Variants in LHX3 observed in about 807,000 individuals in gnomAD.
The protein encoded by LHX3 is LIM/homeobox protein Lhx3.
LHX3 carries 21 observed loss-of-function variants against 32.4 expected under a neutral mutation model. That is an observed-to-expected ratio of 0.65 (90% confidence interval 0.46 to 0.93). The LOEUF (loss-of-function observed/expected upper bound fraction) is 0.93. LHX3 is among the 40% of genes least tolerant of loss of function. The probability of loss-of-function intolerance (pLI) is 0.00; values close to 1 mark genes in which losing one functional copy is unlikely to be tolerated. For missense variants in LHX3, 626 were observed against 560.0 expected, an observed-to-expected ratio of 1.12 and a Z score of -1.19; for synonymous variants, 258 against 246.8, an observed-to-expected ratio of 1.05 and a Z score of -0.43.
chr9:136,202,308 C>G (rs1831660423), intron 1 of LHX3, among the ~76,000 whole-genome samples: 1 of 152,100 alleles, frequency 6.6e-6, no homozygotes, highest in Admixed American at 6.5e-5. Flanking sequence ...GGCCTCCTTC[C>G]CCATCCTGCG....
At chr9:136,199,279 C>CGCGGGG (rs1831577844) in intron 3 of LHX3, among the ~76,000 whole-genome samples, 1 of 152,048 alleles carries the variant, frequency 6.6e-6, no homozygotes, top group African/African-American at 2.4e-5. Context: ...CGGGTTCTGC[C>CGCGGGG]GCGGGGGCGG....
Position 136,200,616 on chromosome 9 carries a change from C to G in LHX3, c.217G>C (p.Gly73Arg). The G allele has an allele frequency of 6.2e-7, 1 of 1,613,610 alleles. No individual in the cohort carries two copies. The highest frequency in any genetic ancestry group is 8.5e-7 in the Non-Finnish European group (1 of 1,180,040). ...TCGTCCTTGCAGTAAACGCTCTCCC[C>G]TCGGCTGAAGCAGCGCTCGGCCAGT... ...TPLAERCFSR[G>R]ESVYCKDDFF... is the part of the protein sequence containing the mutation. The change falls in exon 2 of 6, where the codon GGG becomes CGG. Residue 73 changes from glycine to arginine, a missense_variant. By Grantham distance (125) the Gly-to-Arg change is moderately radical. Transcript: ENST00000371748.
intron 1 of LHX3, chr9:136,202,953 C>T (rs1831680714): frequency 6.5e-7 from 1 of 1,532,216 alleles, no homozygotes; most frequent in Non-Finnish European, 8.7e-7. Flanking sequence ...CACCTCGGCG[C>T]AGGTCCGCCC....
intron 1 of LHX3, among the ~76,000 whole-genome samples, chr9:136,203,409 T>A (rs1477126419): frequency 6.6e-6 from 1 of 152,102 alleles, no homozygotes; most frequent in Non-Finnish European, 1.5e-5. Flanking sequence ...CCCCGCAGCT[T>A]CCTGCGCCGG....
At chr9:136,199,617 G>A (rs1054806783) in intron 3 of LHX3, 61 bp downstream of exon 3, 24 of 1,564,562 alleles carry the variant, frequency 1.5e-5, no homozygotes, top group Admixed American at 6.7e-5. Context: ...CCCCCTGGGC[G>A]TGGCCTCAGC....
At position 136,199,704 on chromosome 9, in the gene LHX3, G is replaced by A; in HGVS notation, c.428C>T (p.Ala143Val). ...TCGCTGCTTGGCGGTTTCGTAGTCCGCCTTGCACACGAGCCGGCTGTCCTC... is the reference window on the plus strand; with the variant it reads ...TCGCTGCTTGGCGGTTTCGTAGTCCACCTTGCACACGAGCCGGCTGTCCTC... ...LMEDSRLVCK[A>V]DYETAKQREA... The change falls in exon 3 of 6, where the codon GCG becomes GTG. Residue 143 changes from alanine (A) to valine (V), a missense_variant. Physicochemically the swap from Ala to Val is moderately conservative, Grantham distance 64. Coordinates refer to ENST00000371748, the MANE Select transcript of LHX3 (RefSeq NM_178138.6). 3 of 1,612,930 alleles carry A rather than the reference G, an allele frequency of 1.9e-6. No individual in the cohort carries two copies. Among genetic ancestry groups the A allele is most frequent in the Admixed American group, 1.7e-5 (1 of 60,030 alleles).
At chr9:136,202,161 G>A (rs1831655620) in intron 1 of LHX3, among the ~76,000 whole-genome samples, 1 of 151,708 alleles carries the variant, frequency 6.6e-6, no homozygotes, top group African/African-American at 2.4e-5. Context: ...CCCTCTCTCC[G>A]CCCCCCAGCC....
chr9:136,197,343 T>C lies in LHX3; in HGVS notation c.1176A>G (p.Val392=), dbSNP rs2131029647. 1 of 1,612,050 alleles carries C rather than the reference T, an allele frequency of 6.2e-7. No individual in the cohort carries two copies. The highest frequency in any genetic ancestry group is 8.5e-7 in the Non-Finnish European group (1 of 1,179,892). Residue 392 remains valine (V), a synonymous_variant, in exon 6 of 6, where the codon GTA becomes GTG. Transcript: ENST00000371748. ...PASPASWLDE[V]DHAQF is the part of the protein sequence containing the mutation. ...GCCTGGGTCAGAACTGAGCGTGGTCTACCTCATCCAGCCAGGAGGCGGGGC... is the reference window on the plus strand; with the variant it reads ...GCCTGGGTCAGAACTGAGCGTGGTCCACCTCATCCAGCCAGGAGGCGGGGC...
At chr9:136,203,510 C>T (rs1831695896) in intron 1 of LHX3, among the ~76,000 whole-genome samples, 1 of 152,200 alleles carries the variant, frequency 6.6e-6, no homozygotes, top group African/African-American at 2.4e-5. Context: ...AGGGTCCTCC[C>T]GCCGCTGAGG....
At chr9:136,203,066 C>T (rs1307113889) in intron 1 of LHX3, 4 of 1,512,726 alleles carry the variant, frequency 2.6e-6, no homozygotes, top group Non-Finnish European at 3.5e-6. Context: ...CGTCGCCACT[C>T]TCCAGTCCCG....
In LHX3 at chr9:136,202,760, C is replaced by T. The variant is rs74859586; in HGVS notation, c.80-2007G>A. Among the ~76,000 whole-genome samples, 1,476 of 152,298 alleles carry T rather than the reference C, an allele frequency of 9.7e-3. 10 individuals carry two copies. The highest frequency in any genetic ancestry group is 0.015 in the Non-Finnish European group (1,016 of 68,004). Reference sequence around the variant, plus strand: ...CGCAGTGCCACAACCTCACTCACTCCCTGACAACCCAGGCCAGGGGCCCTG... The same window carrying T: ...CGCAGTGCCACAACCTCACTCACTCTCTGACAACCCAGGCCAGGGGCCCTG... On this transcript the variant is annotated intron_variant, in intron 1 of 5. Coordinates refer to ENST00000371748, the MANE Select transcript of LHX3 (RefSeq NM_178138.6).
intron 1 of LHX3, chr9:136,203,078 A>C: frequency 6.7e-7 from 1 of 1,499,270 alleles, no homozygotes; most frequent in South Asian, 1.2e-5. Flanking sequence ...CCAGTCCCGA[A>C]CTTTCCCGGG....
At chr9:136,204,638 C>T (rs1455864697) in intron 1 of LHX3, among the ~76,000 whole-genome samples, 1 of 152,196 alleles carries the variant, frequency 6.6e-6, no homozygotes. Flanking sequence ...GCACTGGTCA[C>T]CGGGGGAACC....
intron 1 of LHX3, chr9:136,202,834 G>C (rs998543502): frequency 7.8e-7 from 1 of 1,275,612 alleles, no homozygotes; most frequent in Non-Finnish European, 1.1e-6. Context: ...CGGGGTCCTC[G>C]CGCCCACTCC....
rs975350727 is a variant in LHX3, at chr9:136,197,206, G to A, written c.*119C>T. The A allele has an allele frequency of 3.6e-6, 4 of 1,105,150 alleles. No individual in the cohort carries two copies. The highest frequency in any genetic ancestry group is 1.4e-5 in the South Asian group (1 of 72,858). The allele number at this position is 1,105,150 out of a possible 1,614,324, so 68.5% of individuals were successfully genotyped here. A position where few individuals can be genotyped will look rare whatever the true frequency, so the allele number is the denominator to read the frequency against. On this transcript the variant is annotated 3_prime_UTR_variant, in exon 6 of 6. Coordinates refer to ENST00000371748, the MANE Select transcript of LHX3 (RefSeq NM_178138.6). Reference sequence around the variant, plus strand: ...TGTGCGGTCGGCAGTGGGAGGCTCCGAAGGCACCAGCCCTCCCTTGACGCC... The same window carrying A: ...TGTGCGGTCGGCAGTGGGAGGCTCCAAAGGCACCAGCCCTCCCTTGACGCC...
chr9:136,204,156 C>T (rs937160475), intron 1 of LHX3, among the ~76,000 whole-genome samples: 5 of 152,264 alleles, frequency 3.3e-5, no homozygotes. Context: ...GGCTTCTGGA[C>T]TGTGAGCTTT....
In LHX3 at chr9:136,205,063, C is replaced by T; in HGVS notation, c.-51G>A. The stretch of plus-strand genomic sequence containing the variant: ...AGACGCGCTCCTCCTAGGTCAGCGT[C>T]CCCTGGAGGGTTCGGGGCTCCCAAG... On this transcript the variant is annotated 5_prime_UTR_variant, in exon 1 of 6. Transcript: ENST00000371748. 6.8e-7 allele frequency: 1 copy of T among 1,474,570 alleles called. No individual in the cohort carries two copies. The highest frequency in any genetic ancestry group is 9.2e-7 in the Non-Finnish European group (1 of 1,091,658). 91.3% of individuals were successfully genotyped at this position (1,474,570 alleles called of 1,614,324 possible).
chr9:136,197,449 G>C lies in LHX3; in HGVS notation c.1070C>G (p.Pro357Arg). 6.3e-7 allele frequency: 1 copy of C among 1,585,862 alleles called. No individual in the cohort carries two copies. Among genetic ancestry groups the C allele is most frequent in the Middle Eastern group, 1.7e-4 (1 of 5,882 alleles). ...TCCGTTCCCTGCCAGCACCCTCATG[G>C]GTGGGGGCCCGCCGGGGGCTCCCGA... ...VPSGAPGGPP[P>R]MRVLAGNGPS... The change falls in exon 6 of 6, where the codon CCC becomes CGC. Residue 357 changes from proline (P) to arginine (R), a missense_variant. Pro to Arg is a moderately radical substitution (Grantham distance 103). Transcript: ENST00000371748.
chr9:136,201,106 G>A, intron 1 of LHX3: 1 of 1,408,404 alleles, frequency 7.1e-7, no homozygotes, highest in Non-Finnish European at 9.2e-7. Context: ...CCCCACCCCA[G>A]GGGGATCTGC....
Sources: gnomAD v4.1 joint callset for allele counts (sites outside exome capture counted in the v4.1 genomes callset) on GRCh38, gnomAD v4.1.1 for gene constraint, MANE v1.5 for transcripts, NCBI Gene and HGNC (gene_info 2026-07-23, HGNC 2026-07-21) for gene names.